Variants in RABL3 observed in about 807,000 individuals in gnomAD.
RABL3 encodes rab-like protein 3.
In RABL3, 31 loss-of-function variants were observed where a neutral mutation model predicts 31.8. The ratio of observed to expected loss-of-function variants is 0.97; its 90% CI spans 0.73 to 1.31. The LOEUF is 1.31. Among genes scored for constraint, RABL3 ranks in the 40% most tolerant of loss-of-function variants. The pLI, the probability that RABL3 is intolerant of heterozygous loss-of-function variation, is 0.00. For missense variants in RABL3, 263 were observed against 279.6 expected (o/e 0.94, Z 0.42); for synonymous variants, 97 against 99.9 (o/e 0.97, Z 0.18).
At chr3:120,718,017 T>C (rs1576340206) in intron 2 of RABL3, among the ~76,000 whole-genome samples, 3 of 152,290 alleles carry the variant, frequency 2.0e-5, no homozygotes, top group East Asian at 1.9e-4. Context: ...ACTATACATA[T>C]TGGGTCCTTA....
rs75813688 is a variant in RABL3, at chr3:120,703,030, A to C, written c.383+2970T>G. Among the ~76,000 whole-genome samples, 681 of 152,298 alleles carry C rather than the reference A, an allele frequency of 4.5e-3. 7 individuals are homozygous for C. The highest frequency in any genetic ancestry group is 0.016 in the African/African-American group (649 of 41,544). ...AAAAGGGAGCCCCAGCAAATCACAA[A>C]GTATGGCAGAGACTGTAGACAGGGT... On this transcript the variant is annotated intron_variant, in intron 4 of 7. Transcript: ENST00000273375.
chr3:120,714,729 T>TGAAAAA (rs1708649017), intron 2 of RABL3, among the ~76,000 whole-genome samples: 1 of 152,200 alleles, frequency 6.6e-6, no homozygotes, highest in Admixed American at 6.5e-5. Flanking sequence ...TCTCAGTCCT[T>TGAAAAA]ATATTGCTAC....
chr3:120,722,975 C>CA (rs1708766809), intron 2 of RABL3, among the ~76,000 whole-genome samples: 1 of 152,064 alleles, frequency 6.6e-6, no homozygotes, highest in Non-Finnish European at 1.5e-5. Context: ...AATAATGATA[C>CA]AAAAAACTCT....
In RABL3 at chr3:120,716,632, A is replaced by G. The variant is rs551630518; in HGVS notation, c.139-6723T>C. Reference sequence around the variant, plus strand: ...AAGTATAATAATAATAAAATTAAAAAAAAAAGAAAAAAAAAGAGGCAACTG... The same window carrying G: ...AAGTATAATAATAATAAAATTAAAAGAAAAAGAAAAAAAAAGAGGCAACTG... On this transcript the variant is annotated intron_variant, in intron 2 of 7. Coordinates refer to ENST00000273375, the MANE Select transcript of RABL3 (RefSeq NM_173825.5). Among the ~76,000 whole-genome samples the G allele has an allele frequency of 7.7e-4, 117 of 151,986 alleles. 1 individual carries two copies. Among genetic ancestry groups the G allele is most frequent in the African/African-American group, 2.3e-3 (96 of 41,538 alleles).
intron 2 of RABL3, among the ~76,000 whole-genome samples, chr3:120,725,459 A>C (rs1339839430): frequency 6.6e-6 from 1 of 152,218 alleles, no homozygotes; most frequent in Non-Finnish European, 1.5e-5. Context: ...ATATACCCAA[A>C]GGATTATAAA....
At chr3:120,734,939 G>T (rs143078790) in intron 1 of RABL3, among the ~76,000 whole-genome samples, 2 of 152,208 alleles carry the variant, frequency 1.3e-5, no homozygotes, top group South Asian at 2.1e-4. Flanking sequence ...TGCTGGATTC[G>T]GTTTGCCAGT....
chr3:120,721,248 C>T (rs939570229), intron 2 of RABL3, among the ~76,000 whole-genome samples: 3 of 152,138 alleles, frequency 2.0e-5, no homozygotes, highest in Non-Finnish European at 2.9e-5. Context: ...AGCGTAAAGA[C>T]CATCGAGGCT....
At chr3:120,734,431 C>A (rs188045452) in intron 1 of RABL3, among the ~76,000 whole-genome samples, 205 of 152,236 alleles carry the variant, frequency 1.3e-3, no homozygotes, top group Non-Finnish European at 2.1e-3. Flanking sequence ...TATCAGCTTA[C>A]GGAGATTTTG....
In RABL3 at chr3:120,730,696, T is replaced by G; in HGVS notation, c.138A>C (p.Arg46Ser). Residue 46 changes from arginine to serine, a missense_variant and splice_region_variant, in exon 2 of 8, where the codon AGA (arginine) becomes AGC (serine). By Grantham distance (110) the Arg-to-Ser change is moderately radical. Transcript: ENST00000273375. Reference protein sequence around the residue: ...SWTVGCSVDVRVHDYKEGTPE... With the variant: ...SWTVGCSVDVSVHDYKEGTPE... The stretch of plus-strand genomic sequence containing the variant: ...AAACTAAAATATAAAAGACACATAC[T>G]CTGACATCCACTGAGCAGCCCACAG... 6.2e-7 allele frequency: 1 copy of G among 1,605,702 alleles called. No homozygotes were observed. Among genetic ancestry groups the G allele is most frequent in the Non-Finnish European group, 8.5e-7 (1 of 1,174,508 alleles).
At chr3:120,733,315 G>A (rs1031849352) in intron 1 of RABL3, among the ~76,000 whole-genome samples, 2 of 152,170 alleles carry the variant, frequency 1.3e-5, no homozygotes, top group East Asian at 1.9e-4. Context: ...GATGGCCAGT[G>A]ATGATGAGCA....
intron 4 of RABL3, among the ~76,000 whole-genome samples, chr3:120,700,126 T>C (rs551969219): frequency 6.6e-6 from 1 of 152,298 alleles, no homozygotes; most frequent in East Asian, 1.9e-4. Context: ...TCATAAAATC[T>C]TGCAGCATCC....
intron 4 of RABL3, among the ~76,000 whole-genome samples, chr3:120,700,245 T>C (rs1480285306): frequency 1.3e-5 from 2 of 152,104 alleles, no homozygotes; most frequent in Non-Finnish European, 2.9e-5. Context: ...CACAGCCAGG[T>C]ATCATATTAT....
In RABL3 at chr3:120,731,758, T is replaced by C. The variant is rs1054348774; in HGVS notation, c.47-971A>G. Among the ~76,000 whole-genome samples the C allele has an allele frequency of 2.0e-5, 3 of 152,154 alleles. 1 individual carries two copies. Among genetic ancestry groups the C allele is most frequent in the South Asian group, 4.1e-4 (2 of 4,826 alleles). On this transcript the variant is annotated intron_variant, in intron 1 of 7. Coordinates refer to ENST00000273375, the MANE Select transcript of RABL3 (RefSeq NM_173825.5). ...AGTTATATTTACAATCTAGAAAGTA[T>C]GCACAAATGAGGGCCAGGCACGGTG...
intron 2 of RABL3, among the ~76,000 whole-genome samples, chr3:120,722,817 T>A (rs534486732): frequency 1.6e-4 from 25 of 152,144 alleles, no homozygotes; most frequent in African/African-American, 5.5e-4. Flanking sequence ...GGGAAATTTA[T>A]AGCACTAAAT....
In RABL3 at chr3:120,700,204, G is replaced by A. The variant is rs369131895; in HGVS notation, c.384-1631C>T. ...AAGAACTTTATCATGGATGGATAAG[G>A]CTGATAGCTCCTTAACATCACAAAG... On this transcript the variant is annotated intron_variant, in intron 4 of 7. Coordinates refer to ENST00000273375, the MANE Select transcript of RABL3 (RefSeq NM_173825.5). Among the ~76,000 whole-genome samples the A allele has an allele frequency of 8.0e-4, 122 of 152,104 alleles. 1 individual carries two copies. The highest frequency in any genetic ancestry group is 2.8e-3 in the African/African-American group (118 of 41,516).
chr3:120,736,969 A>C (rs1708975157), intron 1 of RABL3, among the ~76,000 whole-genome samples: 1 of 152,030 alleles, frequency 6.6e-6, no homozygotes, highest in South Asian at 2.1e-4. Context: ...TTTTTCCTTC[A>C]TTTCAACTTT....
At chr3:120,711,836 G>A (rs1708616287) in intron 2 of RABL3, among the ~76,000 whole-genome samples, 1 of 152,034 alleles carries the variant, frequency 6.6e-6, no homozygotes, top group Non-Finnish European at 1.5e-5. Context: ...TTCTCCAAAC[G>A]ATTCTGCTGT....
intron 2 of RABL3, chr3:120,710,253 C>T (rs1708598831): frequency 6.1e-6 from 1 of 163,450 alleles, no homozygotes; most frequent in Non-Finnish European, 1.3e-5. Flanking sequence ...ACCTTTTACC[C>T]TCTTTCATGT....
chr3:120,740,266 AT>A (rs916996321), intron 1 of RABL3, among the ~76,000 whole-genome samples: 7 of 151,380 alleles, frequency 4.6e-5, no homozygotes, highest in South Asian at 2.1e-4. Context: ...TATTCTTTTT[AT>A]TTTTTTTTCT....
Sources: allele counts gnomAD v4.1 joint callset (sites outside exome capture counted in the v4.1 genomes callset), GRCh38; gene constraint gnomAD v4.1.1; transcripts MANE v1.5; gene names NCBI Gene and HGNC (gene_info 2026-07-23, HGNC 2026-07-21).